Variants in CCDC6 observed in about 807,000 individuals in gnomAD.
CCDC6 encodes coiled-coil domain containing 6, also known as coiled-coil domain-containing protein 6.
Under a neutral mutation model 56.6 loss-of-function variants are expected in CCDC6, and 20 were observed. That is an observed-to-expected ratio of 0.35 (90% CI 0.25 to 0.51). CCDC6 has a LOEUF of 0.51. Ranked by LOEUF, CCDC6 falls within the 20% of genes least tolerant of loss-of-function variation. CCDC6 has a pLI of 0.95. For synonymous variants in CCDC6, 241 were observed against 234.4 expected, an observed-to-expected ratio of 1.03 and a Z score of -0.26; for missense variants, 367 against 601.1, an observed-to-expected ratio of 0.61 and a Z score of 4.07.
intron 3 of CCDC6, among the ~76,000 whole-genome samples, chr10:59,820,547 C>T (rs1455633637): frequency 6.6e-6 from 1 of 152,052 alleles, no homozygotes; most frequent in East Asian, 1.9e-4. Flanking sequence ...TTGCCAGGCA[C>T]TTAAGCCTGG....
At chr10:59,812,002 C>CATTT (rs2070676077) in intron 5 of CCDC6, among the ~76,000 whole-genome samples, 1 of 146,022 alleles carries the variant, frequency 6.8e-6, no homozygotes, top group African/African-American at 2.5e-5. Flanking sequence ...GAGAAAGACC[C>CATTT]ATTTTTTCAC....
chr10:59,815,262 A>T (rs72817917), intron 3 of CCDC6, among the ~76,000 whole-genome samples: 1,703 of 152,318 alleles, frequency 0.011, 10 homozygotes, highest in South Asian at 0.032. Context: ...AAATATGATA[A>T]ACACCAAATC....
At chr10:59,879,341 T>C (rs903897935) in intron 1 of CCDC6, among the ~76,000 whole-genome samples, 2 of 152,176 alleles carry the variant, frequency 1.3e-5, no homozygotes, top group African/African-American at 2.4e-5. Context: ...TTATAAACTA[T>C]AGATTTATGA....
Position 59,812,709 on chromosome 10 carries a change from A to G in CCDC6, c.773T>C (p.Met258Thr), listed in dbSNP as rs1309249230. The G allele has an allele frequency of 6.2e-7, 1 of 1,613,062 alleles. No individual in the cohort carries two copies. Among genetic ancestry groups the G allele is most frequent in the Admixed American group, 1.7e-5 (1 of 59,972 alleles). ...ISMEIDSPEN[M>T]MRHIRFLKNE... The stretch of plus-strand genomic sequence containing the variant: ...CTTTAAAAACCTGATGTGACGCATC[A>G]TATTTTCTGGAGAATCAATCTCCAT... The change falls in exon 5 of 9, where the codon ATG (methionine) becomes ACG (threonine). Residue 258 changes from methionine to threonine, a missense_variant. Around this residue, in one of 7 missense-constraint regions of CCDC6, gnomAD observed 81 missense variants for 150.8 expected, o/e 0.54. Coordinates refer to ENST00000263102, the MANE Select transcript of CCDC6 (RefSeq NM_005436.5).
At chr10:59,890,413 T>TG (rs2071413348) in intron 1 of CCDC6, among the ~76,000 whole-genome samples, 1 of 152,298 alleles carries the variant, frequency 6.6e-6, no homozygotes, top group East Asian at 1.9e-4. Flanking sequence ...AAGGAGGGGA[T>TG]GCTGCGTCGG....
chr10:59,839,028 T>C (rs866124181), intron 2 of CCDC6, among the ~76,000 whole-genome samples: 11 of 152,240 alleles, frequency 7.2e-5, no homozygotes, highest in Admixed American at 3.9e-4. Flanking sequence ...TAAAGGCAGC[T>C]AATGCTTCAG....
intron 7 of CCDC6, among the ~76,000 whole-genome samples, chr10:59,799,390 C>A (rs1327446036): frequency 1.3e-5 from 2 of 152,176 alleles, no homozygotes; most frequent in African/African-American, 4.8e-5. Flanking sequence ...CATGCCACTG[C>A]ACTCCAGCCT....
intron 1 of CCDC6, among the ~76,000 whole-genome samples, chr10:59,859,190 A>G (rs1391379363): frequency 4.4e-4 from 37 of 84,026 alleles, no homozygotes; most frequent in African/African-American, 2.7e-3. Flanking sequence ...AAAAAAATAC[A>G]TGTGTGTGCG....
At chr10:59,797,445 TGAGA>T (rs1250483358) in intron 7 of CCDC6, among the ~76,000 whole-genome samples, 1 of 150,716 alleles carries the variant, frequency 6.6e-6, no homozygotes, top group Non-Finnish European at 1.5e-5. Context: ...GCAAAAGACA[TGAGA>T]AAGAACAAGA....
At chr10:59,871,659 G>A (rs1389160506) in intron 1 of CCDC6, among the ~76,000 whole-genome samples, 1 of 151,980 alleles carries the variant, frequency 6.6e-6, no homozygotes, top group Non-Finnish European at 1.5e-5. Flanking sequence ...TGGTTTTGCT[G>A]TTAACTCTTA....
intron 1 of CCDC6, among the ~76,000 whole-genome samples, chr10:59,869,419 A>AC (rs2071207855): frequency 1.6e-5 from 1 of 64,390 alleles, no homozygotes; most frequent in Non-Finnish European, 2.9e-5. Flanking sequence ...AAAAAAAAAA[A>AC]CAGAAAAAAG....
At chr10:59,889,743 T>C (rs893378504) in intron 1 of CCDC6, among the ~76,000 whole-genome samples, 1 of 152,094 alleles carries the variant, frequency 6.6e-6, no homozygotes, top group Non-Finnish European at 1.5e-5. Context: ...TTCTCCCCTT[T>C]CTCCAACTTG....
At chr10:59,887,580 A>G (rs1276593181) in intron 1 of CCDC6, among the ~76,000 whole-genome samples, 1 of 152,140 alleles carries the variant, frequency 6.6e-6, no homozygotes, top group Non-Finnish European at 1.5e-5. Flanking sequence ...TTTTGTGTTA[A>G]AGGGAAGGGG....
Position 59,906,507 on chromosome 10 carries a change from G to A in CCDC6, c.-83C>T, listed in dbSNP as rs770345215. 1.8e-4 allele frequency: 219 copies of A among 1,230,320 alleles called. No homozygotes were observed. The highest frequency in any genetic ancestry group is 2.2e-4 in the Non-Finnish European group (208 of 930,960). 76.2% of individuals were successfully genotyped at this position (1,230,320 alleles called of 1,614,324 possible). On this transcript the variant is annotated 5_prime_UTR_variant, in exon 1 of 9. Coordinates refer to ENST00000263102, the MANE Select transcript of CCDC6 (RefSeq NM_005436.5). ...CCGGGCTGCGAATGAGTGGGCGCCGGGCGAGCACAGGGGAGCGCCGAGCTG... is the reference window on the plus strand; with the variant it reads ...CCGGGCTGCGAATGAGTGGGCGCCGAGCGAGCACAGGGGAGCGCCGAGCTG...
At chr10:59,799,378 A>G (rs1227349752) in intron 7 of CCDC6, among the ~76,000 whole-genome samples, 1 of 152,088 alleles carries the variant, frequency 6.6e-6, no homozygotes, top group Non-Finnish European at 1.5e-5. Flanking sequence ...CTGAGCCAAG[A>G]TCATGCCACT....
chr10:59,844,626 T>TA (rs1379667425), intron 2 of CCDC6, among the ~76,000 whole-genome samples: 7 of 140,704 alleles, frequency 5.0e-5, no homozygotes, highest in African/African-American at 2.0e-4. Flanking sequence ...CTGGGCTAGT[T>TA]AAAATTAGCC....
intron 3 of CCDC6, among the ~76,000 whole-genome samples, chr10:59,822,698 C>G (rs1039698281): frequency 3.3e-5 from 5 of 152,052 alleles, no homozygotes; most frequent in Non-Finnish European, 7.4e-5. Context: ...AATTTGAGAC[C>G]ACCCTGGGCA....
In CCDC6 at chr10:59,826,238, A is replaced by G. The variant is rs565958977; in HGVS notation, c.582+6287T>C. Among the ~76,000 whole-genome samples the G allele has an allele frequency of 4.6e-5, 7 of 152,296 alleles. No homozygotes were observed. The East Asian group carries it at 1.2e-3, about 25-fold the overall frequency. On this transcript the variant is annotated intron_variant, in intron 3 of 8. Coordinates refer to ENST00000263102, the MANE Select transcript of CCDC6 (RefSeq NM_005436.5). ...ACTCCATGACCCCCAAAGTAGAGGC[A>G]GGGAGTCAACTTCAAATCTCCTTCA... is the stretch of plus-strand genomic sequence containing the variant.
chr10:59,835,944 A>T (rs2070878622), intron 2 of CCDC6, among the ~76,000 whole-genome samples: 2 of 151,472 alleles, frequency 1.3e-5, no homozygotes, highest in Non-Finnish European at 2.9e-5. Context: ...AGTCCCAGCT[A>T]CTCAGGAGAC....
Sources: allele counts gnomAD v4.1 joint callset (sites outside exome capture counted in the v4.1 genomes callset), GRCh38; gene constraint gnomAD v4.1.1; regional missense constraint gnomAD v4.1.1; transcripts MANE v1.5; gene names NCBI Gene and HGNC (gene_info 2026-07-23, HGNC 2026-07-21).